FN1: variants seen among roughly 807,000 people sequenced by gnomAD.
FN1 encodes fibronectin.
In FN1, 106 loss-of-function variants were observed where a neutral mutation model predicts 297.3. That is an observed-to-expected ratio of 0.36 (90% CI 0.30 to 0.42). The LOEUF is 0.42. FN1 is among the 10% of genes least tolerant of loss of function. FN1 has a pLI of 1.00. For missense variants in FN1, 2,690 were observed against 3,124.9 expected (o/e 0.86, Z 3.32); for synonymous variants, 1,149 against 1,152.6 (o/e 1.00, Z 0.06).
At chr2:215,363,053 A>T (rs1469648714) in intron 44 of FN1, 2 of 152,158 alleles carry the variant, frequency 1.3e-5, no homozygotes. Context: ...TAGAATTTAA[A>T]TATTTTAGAC....
intron 34 of FN1, 115 bp from the exon 35 acceptor site, chr2:215,378,377 C>T: frequency 1.4e-6 from 1 of 702,180 alleles, no homozygotes; most frequent in Non-Finnish European, 2.6e-6. Context: ...AACAAACCAG[C>T]AAAACCCACA....
chr2:215,423,638 T>A, intron 8 of FN1, 112 bp from the exon 9 acceptor site: 1 of 925,582 alleles, frequency 1.1e-6, no homozygotes, highest in East Asian at 2.6e-5. Flanking sequence ...TCACAGACAG[T>A]CTATCTCAGA....
chr2:215,394,222 C>G (rs539669164), intron 24 of FN1, among the ~76,000 whole-genome samples: 1 of 152,152 alleles, frequency 6.6e-6, no homozygotes. Context: ...AGTACAGACA[C>G]GTGACAGTGT....
intron 5 of FN1, among the ~76,000 whole-genome samples, 197 bp from the exon 6 acceptor site, chr2:215,428,535 TTAGTC>T (rs1192962764): frequency 7.2e-5 from 11 of 152,224 alleles, no homozygotes; most frequent in African/African-American, 2.2e-4. Flanking sequence ...GCTGAATGGT[TTAGTC>T]TAGTTTCATC....
At chr2:215,407,052 A>G (rs1270224770) in intron 18 of FN1, 75 bp downstream of exon 18, 11 of 1,120,478 alleles carry the variant, frequency 9.8e-6, no homozygotes, top group Non-Finnish European at 1.4e-5. Context: ...AGGACTGTTG[A>G]CAGAGACAAA....
chr2:215,371,610 TA>T lies in FN1; in HGVS notation c.6714+298del, dbSNP rs1383743867. ...TCCAAAGTAGAGCCATATTGGGATT[TA>T]AAAAAAAAAAAAAGCAGGGCTTAAA... is the stretch of plus-strand genomic sequence containing the variant. On this transcript the variant is annotated intron_variant, in intron 40 of 45. Coordinates refer to ENST00000354785, the MANE Select transcript of FN1 (RefSeq NM_212482.4). Among the ~76,000 whole-genome samples the T allele has an allele frequency of 0.022, 2,987 of 134,826 alleles. 89 individuals are homozygous for T. Among genetic ancestry groups the T allele is most frequent in the African/African-American group, 0.067 (2,491 of 36,976 alleles). 88.5% of individuals were successfully genotyped at this position (134,826 alleles called of 152,430 possible).
At chr2:215,379,539 G>A in intron 33 of FN1, 1 of 502,060 alleles carries the variant, frequency 2.0e-6, no homozygotes, top group Non-Finnish European at 3.6e-6. Context: ...CAGAATCACT[G>A]AAAACATTTG....
intron 21 of FN1, among the ~76,000 whole-genome samples, chr2:215,398,967 AT>A (rs1356687789): frequency 6.6e-6 from 1 of 152,206 alleles, no homozygotes; most frequent in Non-Finnish European, 1.5e-5. Flanking sequence ...TTGAAATGTA[AT>A]TCCCTGCAGG....
At position 215,370,540 on chromosome 2, in the gene FN1, C is replaced by CAAAAAA. The variant is rs377315833; in HGVS notation, c.6715-114_6715-109dup. ...ACTGTTTAAACAAAGCAAAGGAAGA[C>CAAAAAA]AAAAAACAAAAAACAAAAAAAAAAA... On this transcript the variant is annotated intron_variant, in intron 40 of 45. Transcript: ENST00000354785. 3.7e-4 allele frequency: 114 copies of CAAAAAA among 304,870 alleles called. 3 individuals are homozygous for CAAAAAA. Among genetic ancestry groups the CAAAAAA allele is most frequent in the African/African-American group, 1.1e-3 (29 of 27,318 alleles). 18.9% of individuals were successfully genotyped at this position (304,870 alleles called of 1,614,324 possible). A position where few individuals can be genotyped will look rare whatever the true frequency, so the allele number is the denominator to read the frequency against.
Position 215,388,199 on chromosome 2 carries a change from C to G in FN1, c.4342+13G>C, listed in dbSNP as rs2059266818. Reference sequence around the variant, plus strand: ...AAAAGCTACTGGATAGTCATACTGCCAACACCACTCACCTGTTTTCTGTCT... The same window carrying G: ...AAAAGCTACTGGATAGTCATACTGCGAACACCACTCACCTGTTTTCTGTCT... On this transcript the variant is annotated intron_variant, in intron 27 of 45. Transcript: ENST00000354785. 6.3e-7 allele frequency: 1 copy of G among 1,599,836 alleles called. No individual in the cohort carries two copies. Among genetic ancestry groups the G allele is most frequent in the African/African-American group, 1.3e-5 (1 of 74,606 alleles).
intron 17 of FN1, among the ~76,000 whole-genome samples, chr2:215,407,743 C>T (rs546749361): frequency 3.3e-5 from 5 of 152,134 alleles, no homozygotes; most frequent in Non-Finnish European, 7.4e-5. Context: ...ACCTAATGAG[C>T]TAAGACGACA....
At chr2:215,386,440 G>A (rs1012259491) in intron 28 of FN1, among the ~76,000 whole-genome samples, 17 of 151,916 alleles carry the variant, frequency 1.1e-4, no homozygotes, top group African/African-American at 4.1e-4. Context: ...AATCAGGTGA[G>A]AAATTTCTTG....
intron 31 of FN1, 121 bp downstream of exon 31, chr2:215,383,207 C>A: frequency 1.0e-6 from 1 of 981,042 alleles, no homozygotes; most frequent in Non-Finnish European, 1.6e-6. Context: ...GGGGTTTCGC[C>A]ATATTGGCCA....
chr2:215,406,240 G>GT lies in FN1; in HGVS notation c.2983dup (p.Thr995AsnfsTer8). 1 of 1,613,976 alleles carries GT rather than the reference G, an allele frequency of 6.2e-7. No homozygotes were observed. Among genetic ancestry groups the GT allele is most frequent in the South Asian group, 1.1e-5 (1 of 91,078 alleles). On this transcript the variant is annotated frameshift_variant, in exon 19 of 46. Coordinates refer to ENST00000354785, the MANE Select transcript of FN1 (RefSeq NM_212482.4). LOFTEE classifies it high-confidence loss of function. ...GATAGAGATAGGAGAAGACATACTG[G>GT]TTGTCTGTTGAGCAGTCAGAGGCTT...
intron 3 of FN1, among the ~76,000 whole-genome samples, chr2:215,432,780 TTAA>T (rs1333044679): frequency 6.6e-6 from 1 of 152,146 alleles, no homozygotes; most frequent in Middle Eastern, 3.2e-3. Flanking sequence ...CTCTATTGGG[TTAA>T]TAATTTTGTA....
chr2:215,406,526 C>G lies in FN1; in HGVS notation c.2714-16G>C. The G allele has an allele frequency of 1.2e-6, 2 of 1,612,900 alleles. No individual in the cohort carries two copies. Among genetic ancestry groups the G allele is most frequent in the Non-Finnish European group, 1.7e-6 (2 of 1,179,676 alleles). ...GGCACTGTATCTGACAGACAAGAGT[C>G]AACTGGTCATTCACATTCTCTGCTG... On this transcript the variant is annotated splice_polypyrimidine_tract_variant and intron_variant, in intron 18 of 45. Coordinates refer to ENST00000354785, the MANE Select transcript of FN1 (RefSeq NM_212482.4).
chr2:215,388,759 T>G (rs2059347762), intron 26 of FN1, among the ~76,000 whole-genome samples: 1 of 152,180 alleles, frequency 6.6e-6, no homozygotes, highest in African/African-American at 2.4e-5. Flanking sequence ...AGTGATGGGT[T>G]TTTACATATG....
rs2062043161 is a variant in FN1, at chr2:215,408,126, G to T, written c.2500C>A (p.Pro834Thr). ...DTSIVVRWSR[P>T]QAPITGYRIV... Reference sequence around the variant, plus strand: ...AGCTGACCTGTGATGGGAGCCTGGGGTCTGCTCCAGCGAACAACAATTGAG... The same window carrying T: ...AGCTGACCTGTGATGGGAGCCTGGGTTCTGCTCCAGCGAACAACAATTGAG... Residue 834 changes from proline (P) to threonine (T), a missense_variant, in exon 17 of 46, where the codon CCC becomes ACC. Physicochemically the swap from Pro to Thr is conservative, Grantham distance 38 (BLOSUM62 -1). Coordinates refer to ENST00000354785, the MANE Select transcript of FN1 (RefSeq NM_212482.4). 1 of 1,613,892 alleles carries T rather than the reference G, an allele frequency of 6.2e-7. No individual in the cohort carries two copies. Among genetic ancestry groups the T allele is most frequent in the Non-Finnish European group, 8.5e-7 (1 of 1,179,930 alleles).
chr2:215,382,998 ACT>A (rs2058419198), intron 31 of FN1, among the ~76,000 whole-genome samples: 2 of 148,594 alleles, frequency 1.3e-5, no homozygotes, highest in African/African-American at 2.5e-5. Context: ...GATGCAGATT[ACT>A]CTTTTTTTTT....
Sources: allele counts gnomAD v4.1 joint callset (sites outside exome capture counted in the v4.1 genomes callset), GRCh38; gene constraint gnomAD v4.1.1; transcripts MANE v1.5; gene names NCBI Gene and HGNC (gene_info 2026-07-23, HGNC 2026-07-21).